EFNA5: variants seen among roughly 807,000 people sequenced by gnomAD.
The protein encoded by EFNA5 is ephrin-A5.
A neutral mutation model predicts 22.9 loss-of-function variants in EFNA5; 5 were observed. The observed-to-expected ratio is 0.22, with a 90% CI of 0.11 to 0.46. EFNA5 has a LOEUF of 0.46. EFNA5 is among the 20% of genes least tolerant of loss of function. The pLI is 0.99. For synonymous variants in EFNA5, 113 were observed against 112.2 expected, an observed-to-expected ratio of 1.01 and a Z score of -0.04; for missense variants, 237 against 293.3, an observed-to-expected ratio of 0.81 and a Z score of 1.40.
intron 1 of EFNA5, among the ~76,000 whole-genome samples, chr5:107,668,005 T>C (rs1262680775): frequency 6.6e-6 from 1 of 152,230 alleles, no homozygotes; most frequent in African/African-American, 2.4e-5. Context: ...AAGAGCAACA[T>C]CTTATTCAAC....
At chr5:107,635,319 T>A (rs1750350143) in intron 1 of EFNA5, among the ~76,000 whole-genome samples, 1 of 152,220 alleles carries the variant, frequency 6.6e-6, no homozygotes, top group Non-Finnish European at 1.5e-5. Flanking sequence ...AGCCCAAAGT[T>A]AAATGTATAT....
rs1385177222 is a variant in EFNA5 at position 107,670,440 on chromosome 5, G to A, written c.125+49C>T. 9.9e-6 allele frequency: 15 copies of A among 1,516,018 alleles called. No individual in the cohort carries two copies. The South Asian group carries it at 1.8e-4, about 19-fold the overall frequency. The allele number at this position is 1,516,018 out of a possible 1,614,324, so 93.9% of individuals were successfully genotyped here. A position where few individuals can be genotyped will look rare whatever the true frequency, so the allele number is the denominator to read the frequency against. ...GATCCCCGCCGCCGCTCCTTCCGCAGGGCCCCGAGGCCCGGGTAGCCCTGG... is the reference window on the plus strand; with the variant it reads ...GATCCCCGCCGCCGCTCCTTCCGCAAGGCCCCGAGGCCCGGGTAGCCCTGG... On this transcript the variant is annotated intron_variant, in intron 1 of 4. Coordinates refer to ENST00000333274, the MANE Select transcript of EFNA5 (RefSeq NM_001962.3).
At chr5:107,395,883 A>C (rs555343101) in intron 2 of EFNA5, among the ~76,000 whole-genome samples, 1 of 152,346 alleles carries the variant, frequency 6.6e-6, no homozygotes, top group South Asian at 2.1e-4. Flanking sequence ...CAAAAGGCAG[A>C]ATTCCTAGAA....
chr5:107,585,280 C>A (rs1476143858), intron 1 of EFNA5, among the ~76,000 whole-genome samples: 1 of 152,154 alleles, frequency 6.6e-6, no homozygotes, highest in African/African-American at 2.4e-5. Context: ...AAATACCAAG[C>A]CCAAGGACCC....
At chr5:107,569,419 G>GTATATGTGTGTATATATATATTTA (rs1440408918) in intron 1 of EFNA5, among the ~76,000 whole-genome samples, 1 of 140,748 alleles carries the variant, frequency 7.1e-6, no homozygotes, top group African/African-American at 2.6e-5. Context: ...ATATATTTAT[G>GTATATGTGTGTATATATATATTTA]TATATGTGTG....
rs70996959 is a variant in EFNA5 at position 107,424,198 on chromosome 5, A to ATTTT, written c.418+3015_418+3018dup. Among the ~76,000 whole-genome samples the ATTTT allele has an allele frequency of 2.3e-4, 22 of 95,700 alleles. 1 individual carries two copies. The highest frequency in any genetic ancestry group is 4.9e-4 in the African/African-American group (10 of 20,470). 62.8% of individuals were successfully genotyped at this position (95,700 alleles called of 152,430 possible). On this transcript the variant is annotated intron_variant, in intron 2 of 4. Coordinates refer to ENST00000333274, the MANE Select transcript of EFNA5 (RefSeq NM_001962.3). ...TATAGCTTTCTTTTTTCTTTCTTTC[A>ATTTT]TTTTTTTTTTTTTTTTTTTTTTTTT...
At chr5:107,578,654 C>G (rs1342342982) in intron 1 of EFNA5, among the ~76,000 whole-genome samples, 2 of 152,192 alleles carry the variant, frequency 1.3e-5, no homozygotes, top group East Asian at 3.9e-4. Context: ...ATCCACTGTT[C>G]AGAGCATCTG....
At chr5:107,509,127 T>C (rs1019077956) in intron 1 of EFNA5, among the ~76,000 whole-genome samples, 1 of 152,216 alleles carries the variant, frequency 6.6e-6, no homozygotes, top group Non-Finnish European at 1.5e-5. Flanking sequence ...TACATAACAA[T>C]GGTGACTAGC....
chr5:107,417,707 C>T (rs1203415094), intron 2 of EFNA5, among the ~76,000 whole-genome samples: 2 of 152,084 alleles, frequency 1.3e-5, no homozygotes, highest in African/African-American at 4.8e-5. Context: ...AGCTTCGGAG[C>T]CTAGAGATAT....
chr5:107,612,568 T>C (rs1157419998), intron 1 of EFNA5, among the ~76,000 whole-genome samples: 1 of 152,062 alleles, frequency 6.6e-6, no homozygotes, highest in Admixed American at 6.6e-5. Context: ...ACATAATTGG[T>C]AACTGTCAAG....
At chr5:107,466,626 T>C (rs1388280697) in intron 1 of EFNA5, among the ~76,000 whole-genome samples, 5 of 152,224 alleles carry the variant, frequency 3.3e-5, no homozygotes, top group African/African-American at 1.2e-4. Flanking sequence ...CCTTTCTCAC[T>C]TTCTGTCACA....
At position 107,590,395 on chromosome 5, in the gene EFNA5, A is replaced by T. The variant is rs1749293530; in HGVS notation, c.125+80094T>A. On this transcript the variant is annotated intron_variant, in intron 1 of 4. Transcript: ENST00000333274. ...TCTAGGAACTCTAGATATAGACATA[A>T]TTTTTTTTTTTTTTTAGACAGTCTC... Among the ~76,000 whole-genome samples, 6 of 145,068 alleles carry T rather than the reference A, an allele frequency of 4.1e-5. No homozygotes were observed. The South Asian group carries it at 1.1e-3, about 27-fold the overall frequency.
At chr5:107,630,241 T>A in intron 1 of EFNA5, among the ~76,000 whole-genome samples, 1 of 152,146 alleles carries the variant, frequency 6.6e-6, no homozygotes, top group South Asian at 2.1e-4. Context: ...TCATGTGTCA[T>A]TTAATGAAGG....
chr5:107,466,374 C>T (rs1749982835), intron 1 of EFNA5, among the ~76,000 whole-genome samples: 2 of 152,090 alleles, frequency 1.3e-5, no homozygotes, highest in African/African-American at 4.8e-5. Flanking sequence ...AAAGATAGCT[C>T]AAGCAGAGCC....
intron 2 of EFNA5, among the ~76,000 whole-genome samples, chr5:107,421,877 C>T (rs1398137876): frequency 6.6e-6 from 1 of 151,840 alleles, no homozygotes; most frequent in African/African-American, 2.4e-5. Flanking sequence ...CTGCAACCTC[C>T]GCCTCCCAGG....
At chr5:107,540,901 G>C (rs966759562) in intron 1 of EFNA5, among the ~76,000 whole-genome samples, 2 of 152,216 alleles carry the variant, frequency 1.3e-5, no homozygotes, top group African/African-American at 4.8e-5. Flanking sequence ...TGGATCAGGA[G>C]TTCGAGACCA....
chr5:107,669,332 A>G (rs1751137221), intron 1 of EFNA5, among the ~76,000 whole-genome samples: 1 of 151,872 alleles, frequency 6.6e-6, no homozygotes, highest in Non-Finnish European at 1.5e-5. Context: ...AAAACCTGTG[A>G]CTTTAGATGC....
At chr5:107,489,894 C>G (rs1187366960) in intron 1 of EFNA5, among the ~76,000 whole-genome samples, 1 of 152,166 alleles carries the variant, frequency 6.6e-6, no homozygotes, top group African/African-American at 2.4e-5. Context: ...AAGAGGGGAC[C>G]TGGCTGAAAC....
At chr5:107,483,034 C>A (rs556668185) in intron 1 of EFNA5, among the ~76,000 whole-genome samples, 1 of 152,138 alleles carries the variant, frequency 6.6e-6, no homozygotes, top group South Asian at 2.1e-4. Context: ...GAAAACAATT[C>A]GTAGAACTAA....
Sources: allele counts gnomAD v4.1 joint callset (sites outside exome capture counted in the v4.1 genomes callset), GRCh38; gene constraint gnomAD v4.1.1; transcripts MANE v1.5; gene names NCBI Gene and HGNC (gene_info 2026-07-23, HGNC 2026-07-21).